The following PIK3R1 variants were observed in gnomAD, a reference collection of about 807,000 sequenced individuals.
PIK3R1 encodes phosphoinositide-3-kinase regulatory subunit 1.
A neutral mutation model predicts 98.0 loss-of-function variants in PIK3R1; 29 were observed. The ratio of observed to expected loss-of-function variants is 0.30; its 90% CI spans 0.22 to 0.40. The LOEUF is 0.40. Among genes scored for constraint, PIK3R1 ranks in the 10% least tolerant of loss-of-function variants. The pLI, the probability that PIK3R1 is intolerant of heterozygous loss-of-function variation, is 1.00. For synonymous variants in PIK3R1, 282 were observed against 311.8 expected (o/e 0.90, Z 1.01); for missense variants, 596 against 872.7 (o/e 0.68, Z 3.99).
Position 68,226,547 on chromosome 5 carries a change from C to G in PIK3R1, c.-129C>G. 1.4e-6 allele frequency: 1 copy of G among 730,076 alleles called. No homozygotes were observed. 45.2% of individuals were successfully genotyped at this position (730,076 alleles called of 1,614,324 possible). ...TCCTCTTAAACCTTTGGAGAGTGGT[C>G]CTTTGTCCTCTGCTGGACACATAAT... On this transcript the variant is annotated 5_prime_UTR_variant, in exon 2 of 16. Transcript: ENST00000521381.
Position 68,299,027 on chromosome 5 carries a change from C to G in PIK3R1, c.*1426C>G. On this transcript the variant is annotated 3_prime_UTR_variant, in exon 16 of 16. Transcript: ENST00000521381. ...CTCACTTTGATTTGCTAGTTGTTAT[C>G]AATTAATGACAATTACAAACCTACT... 1 of 233,488 alleles carries G rather than the reference C, an allele frequency of 4.3e-6. No homozygotes were observed. The highest frequency in any genetic ancestry group is 8.5e-6 in the Non-Finnish European group (1 of 117,946). 14.5% of individuals were successfully genotyped at this position (233,488 alleles called of 1,614,324 possible).
At chr5:68,272,088 TA>T (rs1561284208) in intron 2 of PIK3R1, among the ~76,000 whole-genome samples, 1 of 151,564 alleles carries the variant, frequency 6.6e-6, no homozygotes, top group Non-Finnish European at 1.5e-5. Flanking sequence ...CCGTCTCTAC[TA>T]AAAATATACA....
intron 1 of PIK3R1, among the ~76,000 whole-genome samples, chr5:68,220,458 C>T (rs942360017): frequency 2.7e-4 from 41 of 152,294 alleles, no homozygotes; most frequent in African/African-American, 8.4e-4. Context: ...AGCTACGTCA[C>T]CCTTTCTCCC....
At chr5:68,285,455 T>A (rs1044587348) in intron 7 of PIK3R1, among the ~76,000 whole-genome samples, 2 of 152,194 alleles carry the variant, frequency 1.3e-5, no homozygotes, top group Admixed American at 1.3e-4. Flanking sequence ...TGGTCTGACA[T>A]TAGAGGGTTG....
At chr5:68,263,958 C>T (rs1436210415) in intron 2 of PIK3R1, among the ~76,000 whole-genome samples, 1 of 152,126 alleles carries the variant, frequency 6.6e-6, no homozygotes, top group East Asian at 1.9e-4. Context: ...TGCAAATATA[C>T]ATTACAAAAT....
intron 2 of PIK3R1, among the ~76,000 whole-genome samples, chr5:68,259,743 G>C (rs1580213093): frequency 6.6e-6 from 1 of 152,184 alleles, no homozygotes; most frequent in Non-Finnish European, 1.5e-5. Context: ...GGCAGTCAAT[G>C]TCCAAAGTAG....
intron 1 of PIK3R1, among the ~76,000 whole-genome samples, chr5:68,218,621 G>T (rs959817886): frequency 3.3e-5 from 5 of 152,144 alleles, no homozygotes; most frequent in Non-Finnish European, 7.4e-5. Context: ...TGATTTTTAT[G>T]CTCAAGTAGA....
At chr5:68,275,367 G>C (rs1462720624) in intron 4 of PIK3R1, among the ~76,000 whole-genome samples, 1 of 152,102 alleles carries the variant, frequency 6.6e-6, no homozygotes, top group Non-Finnish European at 1.5e-5. Flanking sequence ...TTGAAATGAA[G>C]ACACATGTTT....
At chr5:68,295,397 C>T in intron 13 of PIK3R1, 23 bp from the exon 14 acceptor site, 1 of 1,613,936 alleles carries the variant, frequency 6.2e-7, no homozygotes, top group South Asian at 1.1e-5. Context: ...TTAATGCGTT[C>T]TCTTTTCAAA....
Position 68,273,987 on chromosome 5 carries a change from C to G in PIK3R1, c.476C>G (p.Ala159Gly). The G allele has an allele frequency of 6.2e-7, 1 of 1,613,832 alleles. No homozygotes were observed. ...LYRTQSSSNL[A>G]ELRQLLDCDT... ...AGAACACAGAGCTCCAGCAACCTGG[C>G]AGAATTACGACAGCTTCTTGATTGT... Residue 159 changes from alanine to glycine, a missense_variant, in exon 4 of 16, where the codon GCA becomes GGA. This residue lies in a region of PIK3R1 where 352 missense variants were observed against 393.3 expected (regional missense o/e 0.90). Coordinates refer to ENST00000521381, the MANE Select transcript of PIK3R1 (RefSeq NM_181523.3).
intron 7 of PIK3R1, among the ~76,000 whole-genome samples, chr5:68,283,071 G>A (rs1489787363): frequency 1.3e-5 from 2 of 152,210 alleles, no homozygotes; most frequent in Admixed American, 1.3e-4. Flanking sequence ...TGATTCTTAG[G>A]CCTGGTTTAA....
intron 4 of PIK3R1, among the ~76,000 whole-genome samples, chr5:68,278,677 C>T (rs993198195): frequency 2.0e-5 from 3 of 152,164 alleles, no homozygotes; most frequent in Admixed American, 6.5e-5. Context: ...CACAGTGGCT[C>T]ACACCTGTAA....
intron 1 of PIK3R1, among the ~76,000 whole-genome samples, chr5:68,223,598 A>C (rs1034860909): frequency 2.0e-5 from 3 of 152,208 alleles, no homozygotes; most frequent in Non-Finnish European, 4.4e-5. Flanking sequence ...AGTTCTGCAC[A>C]GGGTTCTTCT....
chr5:68,293,140 G>T lies in PIK3R1; in HGVS notation c.1059G>T (p.Gly353=), dbSNP rs1367200710. The change falls in exon 9 of 16, where the codon GGG becomes GGT. Residue 353 remains glycine, a synonymous_variant. Coordinates refer to ENST00000521381, the MANE Select transcript of PIK3R1 (RefSeq NM_181523.3). ...AAAAACTTCGAGATACAGCAGACGG[G>T]ACCTTTTTGGTACGAGATGCGTCTA... ...VNEKLRDTAD[G]TFLVRDASTK... is the part of the protein sequence containing the mutation. 6.2e-7 allele frequency: 1 copy of T among 1,613,878 alleles called. No homozygotes were observed. Among genetic ancestry groups the T allele is most frequent in the Non-Finnish European group, 8.5e-7 (1 of 1,179,856 alleles).
At chr5:68,235,301 G>A (rs1219319925) in intron 2 of PIK3R1, among the ~76,000 whole-genome samples, 1 of 152,042 alleles carries the variant, frequency 6.6e-6, no homozygotes, top group Non-Finnish European at 1.5e-5. Flanking sequence ...TACTAGGGAG[G>A]CTGAGGCAGG....
chr5:68,234,513 C>T (rs1744594543), intron 2 of PIK3R1, among the ~76,000 whole-genome samples: 1 of 152,176 alleles, frequency 6.6e-6, no homozygotes, highest in Non-Finnish European at 1.5e-5. Context: ...CAAGTTTTTG[C>T]AGATGCATGC....
chr5:68,295,509 G>A, intron 14 of PIK3R1, 21 bp downstream of exon 14: 1 of 1,599,018 alleles, frequency 6.3e-7, no homozygotes, highest in South Asian at 1.1e-5. Context: ...ACTAAAGATG[G>A]TGATAGCAGA....
chr5:68,264,529 T>C (rs1746043002), intron 2 of PIK3R1, among the ~76,000 whole-genome samples: 1 of 152,208 alleles, frequency 6.6e-6, no homozygotes, highest in South Asian at 2.1e-4. Flanking sequence ...AGTGATAATT[T>C]CTTAGAGCGT....
chr5:68,279,847 C>G, intron 5 of PIK3R1, 114 bp downstream of exon 5: 3 of 990,610 alleles, frequency 3.0e-6, no homozygotes, highest in South Asian at 1.6e-5. Context: ...AATAACCTGT[C>G]CCTCCCCCAA....
Sources: gnomAD v4.1 joint callset for allele counts (sites outside exome capture counted in the v4.1 genomes callset) on GRCh38, gnomAD v4.1.1 for gene constraint, gnomAD v4.1.1 regional missense constraint, MANE v1.5 for transcripts, NCBI Gene and HGNC (gene_info 2026-07-23, HGNC 2026-07-21) for gene names.